Variants in NAXE observed in about 807,000 individuals in gnomAD.
NAXE encodes NAD(P)HX epimerase.
Under a neutral mutation model 31.2 loss-of-function variants are expected in NAXE, and 25 were observed. That is an observed-to-expected ratio of 0.80 (90% CI 0.58 to 1.12). The LOEUF is 1.12. NAXE is among the 50% of genes most tolerant of loss of function. NAXE has a pLI of 0.00. For missense variants in NAXE, 362 were observed against 376.1 expected, an observed-to-expected ratio of 0.96 and a Z score of 0.31; for synonymous variants, 144 against 154.5, an observed-to-expected ratio of 0.93 and a Z score of 0.50.
In NAXE at chr1:156,592,563, G is replaced by A. The variant is rs369152490; in HGVS notation, c.409G>A (p.Glu137Lys). 3.0e-5 allele frequency: 48 copies of A among 1,613,920 alleles called. No homozygotes were observed. Among genetic ancestry groups the A allele is most frequent in the South Asian group, 3.0e-4 (27 of 91,086 alleles). The change falls in exon 4 of 6, where the codon GAG becomes AAG. Residue 137 changes from glutamate to lysine, a missense_variant. By Grantham distance (56) the Glu-to-Lys change is moderately conservative (BLOSUM62 1). Coordinates refer to ENST00000368235, the MANE Select transcript of NAXE (RefSeq NM_144772.3). ...ATTACCACTTTCTTCCTAGGGCTAC[G>A]AGCCAACCATCTATTACCCCAAAAG... Reference protein sequence around the residue: ...CARHLKLFGYEPTIYYPKRPN... With the variant: ...CARHLKLFGYKPTIYYPKRPN...
At position 156,591,846 on chromosome 1, in the gene NAXE, T is replaced by TG. The variant is rs1677334273; in HGVS notation, c.43dup (p.Ala15GlyfsTer60). ...CGCTGCTGGGCCTCGGGCTGCTGGTTGCGGGCTCGCGCGTGCCGCGGATCA... is the reference window on the plus strand; with the variant it reads ...CGCTGCTGGGCCTCGGGCTGCTGGTTGGCGGGCTCGCGCGTGCCGCGGATCA... On this transcript the variant is annotated frameshift_variant, in exon 1 of 6. Coordinates refer to ENST00000368235, the MANE Select transcript of NAXE (RefSeq NM_144772.3). LOFTEE classifies it high-confidence loss of function. 2 of 1,610,082 alleles carry TG rather than the reference T, an allele frequency of 1.2e-6. No individual in the cohort carries two copies. Among genetic ancestry groups the TG allele is most frequent in the East Asian group, 4.5e-5 (2 of 44,818 alleles).
chr1:156,592,131 G>A lies in NAXE; in HGVS notation c.213G>A (p.Glu71=), dbSNP rs777720826. The change falls in exon 2 of 6, where the codon GAG becomes GAA. Residue 71 remains glutamate (E), a synonymous_variant. Coordinates refer to ENST00000368235, the MANE Select transcript of NAXE (RefSeq NM_144772.3). ...SQEEAQAVDQ[E]LFNEYQFSVD... is the part of the protein sequence containing the mutation. ...AGGAGGCCCAGGCCGTGGACCAGGA[G>A]CTATTTAACGAATACCAGTTCAGCG... 3 of 1,614,140 alleles carry A rather than the reference G, an allele frequency of 1.9e-6. No individual in the cohort carries two copies. The highest frequency in any genetic ancestry group is 2.2e-5 in the South Asian group (2 of 91,084).
chr1:156,593,256 C>T, intron 4 of NAXE, 152 bp from the exon 5 acceptor site: 2 of 1,023,414 alleles, frequency 2.0e-6, no homozygotes, highest in South Asian at 3.9e-5. Context: ...CAGTGACCAA[C>T]TCACACTTTC....
rs1338094410 is a variant in NAXE, at chr1:156,592,378, C to G, written c.305C>G (p.Thr102Arg). ...ATAIAKAYPP[T>R]SMSRSPPTVL... ...CTCTGCCTTCAGGCATATCCCCCCACGTCCATGTCCAGGAGCCCCCCTACT... is the reference window on the plus strand; with the variant it reads ...CTCTGCCTTCAGGCATATCCCCCCAGGTCCATGTCCAGGAGCCCCCCTACT... The change falls in exon 3 of 6, where the codon ACG becomes AGG. Residue 102 changes from threonine to arginine, a missense_variant. By Grantham distance (71) the Thr-to-Arg change is moderately conservative. Coordinates refer to ENST00000368235, the MANE Select transcript of NAXE (RefSeq NM_144772.3). 1.2e-6 allele frequency: 2 copies of G among 1,614,164 alleles called. No homozygotes were observed. The highest frequency in any genetic ancestry group is 2.2e-5 in the South Asian group (2 of 91,084).
intron 4 of NAXE, 93 bp downstream of exon 4, chr1:156,592,763 G>A (rs1312621052): frequency 3.4e-6 from 4 of 1,191,016 alleles, no homozygotes; most frequent in Non-Finnish European, 4.9e-6. Context: ...TCATTTTAGT[G>A]CCTGGTACGG....
At position 156,592,458 on chromosome 1, in the gene NAXE, C is replaced by G. The variant is rs747476913; in HGVS notation, c.385C>G (p.Arg129Gly). 2.5e-6 allele frequency: 4 copies of G among 1,613,924 alleles called. No homozygotes were observed. The highest frequency in any genetic ancestry group is 1.7e-5 in the Admixed American group (1 of 59,988). Residue 129 changes from arginine (R) to glycine (G), a missense_variant, in exon 3 of 6, where the codon CGA becomes GGA. Physicochemically the swap from Arg to Gly is moderately radical, Grantham distance 125. Coordinates refer to ENST00000368235, the MANE Select transcript of NAXE (RefSeq NM_144772.3). ...NNGGDGLVCA[R>G]HLKLFGYEPT... ...TGGAGGAGATGGTCTGGTCTGTGCT[C>G]GACACCTCAAACTCTTTGTGAGTAT...
Position 156,593,122 on chromosome 1 carries a change from A to C in NAXE, c.517-286A>C, listed in dbSNP as rs1677384798. 4 of 460,310 alleles carry C rather than the reference A, an allele frequency of 8.7e-6. No individual in the cohort carries two copies. In the East Asian group the frequency reaches 1.1e-4, roughly 12 times the overall value. 28.5% of individuals were successfully genotyped at this position (460,310 alleles called of 1,614,324 possible). A position where few individuals can be genotyped will look rare whatever the true frequency, so the allele number is the denominator to read the frequency against. On this transcript the variant is annotated intron_variant, in intron 4 of 5. Transcript: ENST00000368235. Reference sequence around the variant, plus strand: ...AAGTCACTAAATTGTATCATGGCAGAGCTGAAACCAGAATCTGGCTCTCCT... The same window carrying C: ...AAGTCACTAAATTGTATCATGGCAGCGCTGAAACCAGAATCTGGCTCTCCT...
rs565429563 is a variant in NAXE, at chr1:156,591,781, G to T, written c.-24G>T. On this transcript the variant is annotated 5_prime_UTR_variant, in exon 1 of 6. Transcript: ENST00000368235. ...ACATGCGCCGGGGCCGGGCCGGGCCGGGGGCGCGCGCTCTGCGAGCTGGAT... is the reference window on the plus strand; with the variant it reads ...ACATGCGCCGGGGCCGGGCCGGGCCTGGGGCGCGCGCTCTGCGAGCTGGAT... The T allele has an allele frequency of 5.8e-5, 87 of 1,491,222 alleles. No individual in the cohort carries two copies. In the South Asian group the frequency reaches 1.1e-3, roughly 19 times the overall value. 92.4% of individuals were successfully genotyped at this position (1,491,222 alleles called of 1,614,324 possible).
rs1399881855 is a variant in NAXE, at chr1:156,592,092, T to C, written c.183-9T>C. The stretch of plus-strand genomic sequence containing the variant: ...GAGGGGCGGGACTCAGGCCGCGGGT[T>C]TTCCTCAGCCAGGAGGAGGCCCAGG... On this transcript the variant is annotated splice_polypyrimidine_tract_variant and intron_variant, in intron 1 of 5. Transcript: ENST00000368235. The C allele has an allele frequency of 1.2e-6, 2 of 1,614,196 alleles. No homozygotes were observed.
In NAXE at chr1:156,591,947, A is replaced by C; in HGVS notation, c.143A>C (p.Asp48Ala). ...PQRLNSGGRW[D>A]SEVMASTVVK... ...CGGCTGAACTCGGGTGGCCGCTGGG[A>C]CTCAGAGGTCATGGCGAGCACGGTG... The change falls in exon 1 of 6, where the codon GAC becomes GCC. Residue 48 changes from aspartate (D) to alanine (A), a missense_variant. Coordinates refer to ENST00000368235, the MANE Select transcript of NAXE (RefSeq NM_144772.3). 1 of 1,612,858 alleles carries C rather than the reference A, an allele frequency of 6.2e-7. No homozygotes were observed. Among genetic ancestry groups the C allele is most frequent in the Non-Finnish European group, 8.5e-7 (1 of 1,179,728 alleles).
chr1:156,592,297 G>C, intron 2 of NAXE, 68 bp from the exon 3 acceptor site: 1 of 1,603,796 alleles, frequency 6.2e-7, no homozygotes, highest in Non-Finnish European at 8.5e-7. Flanking sequence ...GGGTGGGAGA[G>C]ACAGCTGGGC....
chr1:156,593,788 G>C, intron 5 of NAXE, 94 bp from the exon 6 acceptor site: 1 of 1,438,656 alleles, frequency 7.0e-7, no homozygotes, highest in Non-Finnish European at 9.6e-7. Flanking sequence ...GGTGGGAACT[G>C]AGGGGACTTC....
In NAXE at chr1:156,592,393, G is replaced by A; in HGVS notation, c.320G>A (p.Ser107Asn). 13 of 1,614,148 alleles carry A rather than the reference G, an allele frequency of 8.1e-6. No individual in the cohort carries two copies. The highest frequency in any genetic ancestry group is 1.1e-5 in the Non-Finnish European group (13 of 1,180,028). The change falls in exon 3 of 6, where the codon AGC becomes AAC. Residue 107 changes from serine (S) to asparagine (N), a missense_variant. By Grantham distance (46) the Ser-to-Asn change is conservative. Coordinates refer to ENST00000368235, the MANE Select transcript of NAXE (RefSeq NM_144772.3). ...KAYPPTSMSR[S>N]PPTVLVICGP... is the part of the protein sequence containing the mutation. ...TATCCCCCCACGTCCATGTCCAGGA[G>A]CCCCCCTACTGTCCTGGTCATCTGT...
intron 4 of NAXE, chr1:156,593,150 C>T: frequency 2.1e-6 from 1 of 472,000 alleles, no homozygotes; most frequent in Non-Finnish European, 3.7e-6. Context: ...GCTCTCCTGA[C>T]TCGTCTCAGG....
rs764656417 is a variant in NAXE, at chr1:156,591,818, G to A, written c.14G>A (p.Arg5Gln). The A allele has an allele frequency of 1.2e-6, 2 of 1,600,266 alleles. No individual in the cohort carries two copies. The highest frequency in any genetic ancestry group is 4.5e-5 in the East Asian group (2 of 44,194). Residue 5 changes from arginine to glutamine, a missense_variant, in exon 1 of 6, where the codon CGG becomes CAG. Transcript: ENST00000368235. MSRL[R>Q]ALLGLGLLVA... ...TCTGCGAGCTGGATGTCCAGGCTGC[G>A]GGCGCTGCTGGGCCTCGGGCTGCTG...
At chr1:156,593,834 A>G (rs748618547) in intron 5 of NAXE, 48 bp from the exon 6 acceptor site, 6 of 1,590,672 alleles carry the variant, frequency 3.8e-6, no homozygotes, top group Non-Finnish European at 5.2e-6. Flanking sequence ...TAAGGTGTAG[A>G]AGGGGACGAG....
At chr1:156,593,644 AG>A (rs1677407475) in intron 5 of NAXE, 89 bp downstream of exon 5, 1 of 1,554,944 alleles carries the variant, frequency 6.4e-7, no homozygotes, top group South Asian at 1.2e-5. Flanking sequence ...ATTTTAGTCT[AG>A]AGGGGCAGAA....
chr1:156,593,115 A>G, intron 4 of NAXE: 1 of 451,956 alleles, frequency 2.2e-6, no homozygotes, highest in Non-Finnish European at 3.9e-6. Context: ...AAATTGTATC[A>G]TGGCAGAGCT....
Position 156,593,906 on chromosome 1 carries a change from C to T in NAXE, c.689C>T (p.Ala230Val), listed in dbSNP as rs748327344. Residue 230 changes from alanine to valine, a missense_variant, in exon 6 of 6, where the codon GCT (alanine) becomes GTT (valine). Coordinates refer to ENST00000368235, the MANE Select transcript of NAXE (RefSeq NM_144772.3). ...GGATGGGACGTGGAGAAGGGAAATG[C>T]TGGAGGGATCCAGCCAGACTTGCTC... ...PSGWDVEKGN[A>V]GGIQPDLLIS... is the part of the protein sequence containing the mutation. The T allele has an allele frequency of 3.1e-6, 5 of 1,614,134 alleles. No individual in the cohort carries two copies. In the Admixed American group the frequency reaches 8.3e-5, roughly 27 times the overall value.
Sources: allele counts gnomAD v4.1 joint callset, GRCh38; gene constraint gnomAD v4.1.1; transcripts MANE v1.5; gene names NCBI Gene and HGNC (gene_info 2026-07-23, HGNC 2026-07-21).